PTPRU: variants seen among roughly 807,000 people sequenced by gnomAD.
The protein encoded by PTPRU is receptor-type tyrosine-protein phosphatase U.
In PTPRU, 69 loss-of-function variants were observed where a neutral mutation model predicts 166.3. That is an observed-to-expected ratio of 0.41 (90% CI 0.34 to 0.51). PTPRU has a LOEUF of 0.51. Ranked by LOEUF, PTPRU falls within the 20% of genes least tolerant of loss-of-function variation. PTPRU has a pLI of 0.09. For missense variants in PTPRU, 1,657 were observed against 2,013.7 expected, an observed-to-expected ratio of 0.82 and a Z score of 3.39; for synonymous variants, 793 against 814.0, an observed-to-expected ratio of 0.97 and a Z score of 0.44.
chr1:29,259,603 G>GTGGGGGTTT, intron 5 of PTPRU, 39 bp downstream of exon 5: 1 of 1,292,126 alleles, frequency 7.7e-7, no homozygotes. Flanking sequence ...GGCGGGGTGG[G>GTGGGGGTTT]AGGGGGTTGG....
chr1:29,304,719 G>A (rs1446374054), intron 16 of PTPRU, 55 bp from the exon 17 acceptor site: 2 of 1,348,988 alleles, frequency 1.5e-6, no homozygotes, highest in Admixed American at 2.0e-5. Flanking sequence ...TGAGGGGAAG[G>A]GGCCCTCAGT....
intron 15 of PTPRU, among the ~76,000 whole-genome samples, chr1:29,295,588 G>T (rs921491737): frequency 9.2e-5 from 14 of 151,852 alleles, no homozygotes; most frequent in Non-Finnish European, 1.9e-4. Flanking sequence ...CTTTATTTTT[G>T]ACTTCTATTG....
Position 29,238,324 on chromosome 1 carries a change from T to C in PTPRU, c.73+1607T>C, listed in dbSNP as rs1425565946. Among the ~76,000 whole-genome samples, 1 of 152,080 alleles carries C rather than the reference T, an allele frequency of 6.6e-6. No individual in the cohort carries two copies. The highest frequency in any genetic ancestry group is 6.5e-5 in the Admixed American group (1 of 15,288). ...GCCTGGGATCCTAGACCGCGGCCCC[T>C]TCCCGCGGAGTTTCGGGGCCCTGCT... On this transcript the variant is annotated intron_variant, in intron 1 of 29. Transcript: ENST00000373779. This position sits in a 1 kb window ranked among gnomAD's most constrained non-coding sequence, Gnocchi z 6.1.
intron 11 of PTPRU, among the ~76,000 whole-genome samples, chr1:29,281,160 T>C (rs1346274607): frequency 6.6e-6 from 1 of 151,412 alleles, no homozygotes; most frequent in Non-Finnish European, 1.5e-5. Flanking sequence ...AGGAAGAGAG[T>C]GGGCTGCCTG....
In PTPRU at chr1:29,271,400, AG is replaced by A. The variant is rs1216628757; in HGVS notation, c.1145-4045del. On this transcript the variant is annotated intron_variant, in intron 7 of 29. Coordinates refer to ENST00000373779, the MANE Select transcript of PTPRU (RefSeq NM_133178.4). This position sits in a 1 kb window ranked among gnomAD's most constrained non-coding sequence, Gnocchi z 4.4. The stretch of plus-strand genomic sequence containing the variant: ...TCCCTGGATCTGTCCAGATATGATC[AG>A]GGTAGGCAGGAAGAAAAAAGAAAAG... 4.6e-5 allele frequency among the ~76,000 whole-genome samples: 7 copies of A among 152,200 alleles called. No individual in the cohort carries two copies. The highest frequency in any genetic ancestry group is 6.5e-5 in the Admixed American group (1 of 15,278).
intron 15 of PTPRU, among the ~76,000 whole-genome samples, chr1:29,303,045 G>C (rs942996600): frequency 1.3e-5 from 2 of 152,158 alleles, no homozygotes; most frequent in South Asian, 2.1e-4. Flanking sequence ...TGTGGTGTTC[G>C]CACAAAGACC....
chr1:29,238,738 C>G lies in PTPRU; in HGVS notation c.73+2021C>G, dbSNP rs916707382. Among the ~76,000 whole-genome samples the G allele has an allele frequency of 1.4e-4, 22 of 152,210 alleles. No homozygotes were observed. The highest frequency in any genetic ancestry group is 7.3e-5 in the Non-Finnish European group (5 of 68,042). On this transcript the variant is annotated intron_variant, in intron 1 of 29. Coordinates refer to ENST00000373779, the MANE Select transcript of PTPRU (RefSeq NM_133178.4). This position sits in a 1 kb window ranked among gnomAD's most constrained non-coding sequence, Gnocchi z 6.1. ...CGGCAACTTTGCCTCCCTCTCCCAC[C>G]GTGAAATCAAACCCGCGGGGTTCTG...
chr1:29,318,071 T>C, intron 25 of PTPRU, 150 bp downstream of exon 25: 3 of 1,086,052 alleles, frequency 2.8e-6, no homozygotes, highest in Non-Finnish European at 3.9e-6. Context: ...CTCCTACTCC[T>C]AGGGAGCTTC....
intron 14 of PTPRU, among the ~76,000 whole-genome samples, chr1:29,290,251 C>T (rs1686564414): frequency 6.6e-6 from 1 of 152,218 alleles, no homozygotes. Context: ...CCCACCATTT[C>T]CTGGGAGCCT....
rs199659873 is a variant in PTPRU at position 29,259,513 on chromosome 1, C to A, written c.624C>A (p.Phe208Leu). The change falls in exon 5 of 30, where the codon TTC becomes TTA. Residue 208 changes from phenylalanine (F) to leucine (L), a missense_variant. Around this residue, in one of 3 missense-constraint regions of PTPRU, gnomAD observed 453 missense variants for 496.9 expected, o/e 0.91. Coordinates refer to ENST00000373779, the MANE Select transcript of PTPRU (RefSeq NM_133178.4). ...TCAACGCGGGCCAGAACGCGTCGTT[C>A]CAGTGCATGGCCGCGGGCAGAGCGG... ...VEVNAGQNAS[F>L]QCMAAGRAAE... The A allele has an allele frequency of 5.6e-5, 90 of 1,611,784 alleles. No individual in the cohort carries two copies. The highest frequency in any genetic ancestry group is 7.3e-5 in the Non-Finnish European group (86 of 1,178,934).
intron 15 of PTPRU, among the ~76,000 whole-genome samples, chr1:29,296,971 G>A (rs1032562571): frequency 6.6e-6 from 1 of 150,632 alleles, no homozygotes; most frequent in East Asian, 1.9e-4. Context: ...TCAGTGTTAT[G>A]CACTTATTAA....
chr1:29,313,262 C>G (rs1050494988), intron 22 of PTPRU, among the ~76,000 whole-genome samples: 14 of 152,110 alleles, frequency 9.2e-5, no homozygotes, highest in African/African-American at 2.9e-4. Flanking sequence ...TCTGTCTCCC[C>G]CTGGAGAGCG....
At chr1:29,310,982 C>T (rs901128566) in intron 19 of PTPRU, among the ~76,000 whole-genome samples, 2 of 152,136 alleles carry the variant, frequency 1.3e-5, no homozygotes, top group Non-Finnish European at 2.9e-5. Flanking sequence ...GCCTTTGTCC[C>T]CTCTTTGTGT....
At chr1:29,266,898 G>A (rs72649296) in intron 7 of PTPRU, among the ~76,000 whole-genome samples, 11,253 of 152,148 alleles carry the variant, frequency 0.074, 532 homozygotes, top group East Asian at 0.19. Context: ...CACTTACATA[G>A]ATTTTTTTTT....
intron 1 of PTPRU, among the ~76,000 whole-genome samples, chr1:29,240,201 C>T (rs774598427): frequency 3.9e-5 from 6 of 152,096 alleles, no homozygotes; most frequent in East Asian, 1.9e-4. Context: ...AAGCCTTCCT[C>T]GGTGATGCCC....
chr1:29,287,467 G>A (rs1263474035), intron 14 of PTPRU, among the ~76,000 whole-genome samples: 1 of 152,150 alleles, frequency 6.6e-6, no homozygotes, highest in Non-Finnish European at 1.5e-5. Flanking sequence ...TAGCCCAGGG[G>A]AGTCGGGTCT....
At chr1:29,288,371 C>G (rs1435376203) in intron 14 of PTPRU, among the ~76,000 whole-genome samples, 1 of 152,122 alleles carries the variant, frequency 6.6e-6, no homozygotes, top group Non-Finnish European at 1.5e-5. Context: ...GTGAAAAGAA[C>G]AGGGTGCTGG....
intron 1 of PTPRU, among the ~76,000 whole-genome samples, chr1:29,239,039 A>T (rs375366700): frequency 2.0e-5 from 3 of 152,192 alleles, no homozygotes; most frequent in African/African-American, 4.8e-5. Flanking sequence ...GTTGTTGCAA[A>T]GCCCCAGACA....
In PTPRU at chr1:29,238,579, CT is replaced by C. The variant is rs1264869676; in HGVS notation, c.73+1863del. ...GTGGCTCCAGCGTTCGCGCCGGCCA[CT>C]GGCCAGCGCTTGGGCCTCGCCCTGC... On this transcript the variant is annotated intron_variant, in intron 1 of 29. Coordinates refer to ENST00000373779, the MANE Select transcript of PTPRU (RefSeq NM_133178.4). This position sits in a 1 kb window ranked among gnomAD's most constrained non-coding sequence, Gnocchi z 6.1. Among the ~76,000 whole-genome samples the C allele has an allele frequency of 6.6e-6, 1 of 152,242 alleles. No homozygotes were observed. The highest frequency in any genetic ancestry group is 2.4e-5 in the African/African-American group (1 of 41,474).
Sources: gnomAD v4.1 joint callset for allele counts (sites outside exome capture counted in the v4.1 genomes callset) on GRCh38, gnomAD v4.1.1 for gene constraint, gnomAD v4.1.1 regional missense constraint, Gnocchi (gnomAD v3.1) non-coding constraint, MANE v1.5 for transcripts, NCBI Gene and HGNC (gene_info 2026-07-23, HGNC 2026-07-21) for gene names.